RALYL: variants seen among roughly 807,000 people sequenced by gnomAD.
The protein encoded by RALYL is RALY RNA binding protein like.
In RALYL, 29 loss-of-function variants were observed where a neutral mutation model predicts 35.1. The ratio of observed to expected loss-of-function variants is 0.83; its 90% confidence interval spans 0.61 to 1.13. RALYL has a LOEUF of 1.13. Ranked by LOEUF, RALYL falls within the 50% of genes most tolerant of loss-of-function variation. The pLI is 0.00. For missense variants in RALYL, 359 were observed against 360.4 expected, an observed-to-expected ratio of 1.00 and a Z score of 0.03; for synonymous variants, 120 against 127.6, an observed-to-expected ratio of 0.94 and a Z score of 0.40.
intron 6 of RALYL, among the ~76,000 whole-genome samples, chr8:84,870,995 C>T (rs1840088886): frequency 6.6e-6 from 1 of 152,080 alleles, no homozygotes; most frequent in African/African-American, 2.4e-5. Context: ...TGAGCATTTG[C>T]TGCCCCCCCA....
chr8:84,654,748 CA>C (rs1159393922), intron 2 of RALYL, among the ~76,000 whole-genome samples: 2 of 152,008 alleles, frequency 1.3e-5, no homozygotes, highest in African/African-American at 4.8e-5. Context: ...TATGTTGTTG[CA>C]AAAACAGGAT....
chr8:84,844,068 C>T (rs1834037483), intron 4 of RALYL, among the ~76,000 whole-genome samples: 2 of 152,136 alleles, frequency 1.3e-5, no homozygotes, highest in African/African-American at 4.8e-5. Flanking sequence ...GCAAGGACTT[C>T]ATGTCTAAAA....
chr8:84,488,754 A>C (rs1587722405), intron 1 of RALYL, among the ~76,000 whole-genome samples: 1 of 152,050 alleles, frequency 6.6e-6, no homozygotes, highest in Non-Finnish European at 1.5e-5. Flanking sequence ...TTTCAAAGTA[A>C]TACTGGGCCC....
intron 8 of RALYL, 87 bp from the exon 9 acceptor site, chr8:84,920,807 A>G (rs1192332066): frequency 2.0e-6 from 1 of 496,510 alleles, no homozygotes; most frequent in African/African-American, 2.0e-5. Context: ...ATCTAACCTT[A>G]AAATCTAACT....
At chr8:84,367,020 C>T (rs561037610) in intron 1 of RALYL, among the ~76,000 whole-genome samples, 10 of 151,044 alleles carry the variant, frequency 6.6e-5, no homozygotes, top group East Asian at 1.9e-4. Context: ...CCGTGGTGTT[C>T]GGGGAAAAAA....
chr8:84,390,052 A>C (rs1462501441), intron 1 of RALYL, among the ~76,000 whole-genome samples: 1 of 152,112 alleles, frequency 6.6e-6, no homozygotes, highest in Non-Finnish European at 1.5e-5. Context: ...TTTTTGCATG[A>C]AGGGCTGTTG....
At chr8:84,660,049 A>G (rs1039447680) in intron 2 of RALYL, among the ~76,000 whole-genome samples, 2 of 152,200 alleles carry the variant, frequency 1.3e-5, no homozygotes, top group African/African-American at 4.8e-5. Context: ...TAGTAGAAGT[A>G]TCTATTCCAC....
chr8:84,691,089 T>C (rs1421556822), intron 2 of RALYL, among the ~76,000 whole-genome samples: 1 of 152,126 alleles, frequency 6.6e-6, no homozygotes, highest in African/African-American at 2.4e-5. Context: ...GTCAAAGCAC[T>C]GTTTGAAGAA....
chr8:84,917,310 G>A (rs1848637565), intron 8 of RALYL, among the ~76,000 whole-genome samples: 2 of 151,786 alleles, frequency 1.3e-5, no homozygotes, highest in African/African-American at 4.8e-5. Context: ...AGGAGGGGCA[G>A]GGAAATAAGG....
chr8:84,523,947 G>A (rs568049681), intron 1 of RALYL, among the ~76,000 whole-genome samples: 17 of 152,046 alleles, frequency 1.1e-4, no homozygotes, highest in African/African-American at 3.9e-4. Flanking sequence ...CTAAGTCTTT[G>A]CTATTGTGAA....
At chr8:84,675,879 A>T (rs769293190) in intron 2 of RALYL, among the ~76,000 whole-genome samples, 5 of 152,190 alleles carry the variant, frequency 3.3e-5, no homozygotes, top group East Asian at 1.9e-4. Context: ...TACTGCGTAG[A>T]TTTGTACAAA....
At chr8:84,325,561 C>T (rs1485198736) in intron 1 of RALYL, among the ~76,000 whole-genome samples, 1 of 152,162 alleles carries the variant, frequency 6.6e-6, no homozygotes, top group Admixed American at 6.5e-5. Context: ...ACTGCCTCTC[C>T]ACTTTTTTGA....
intron 4 of RALYL, among the ~76,000 whole-genome samples, chr8:84,841,145 A>G (rs918392030): frequency 2.0e-5 from 3 of 152,158 alleles, no homozygotes; most frequent in African/African-American, 7.2e-5. Context: ...AATGGGCTAA[A>G]TGCTCCAATT....
intron 2 of RALYL, among the ~76,000 whole-genome samples, chr8:84,579,824 G>A (rs960751116): frequency 6.6e-6 from 1 of 152,138 alleles, no homozygotes; most frequent in Non-Finnish European, 1.5e-5. Context: ...ATAATGGTCA[G>A]TCTAGTGCTG....
At chr8:84,428,106 TCACA>T (rs869249552) in intron 1 of RALYL, among the ~76,000 whole-genome samples, 1,568 of 127,272 alleles carry the variant, frequency 0.012, 18 homozygotes, top group Non-Finnish European at 0.018. Flanking sequence ...TCTCTCTCTC[TCACA>T]CACACACACA....
intron 2 of RALYL, among the ~76,000 whole-genome samples, chr8:84,542,045 A>G (rs1372262479): frequency 6.6e-6 from 1 of 151,972 alleles, no homozygotes; most frequent in Admixed American, 6.6e-5. Flanking sequence ...AATTGCGGTT[A>G]TATTTGAATT....
chr8:84,405,571 C>T (rs2043390725), intron 1 of RALYL, among the ~76,000 whole-genome samples: 1 of 152,150 alleles, frequency 6.6e-6, no homozygotes, highest in Admixed American at 6.5e-5. Context: ...TCAGAGAATA[C>T]TGTAAACACC....
intron 1 of RALYL, among the ~76,000 whole-genome samples, chr8:84,366,791 A>AAAT (rs1383974839): frequency 6.8e-6 from 1 of 146,312 alleles, no homozygotes; most frequent in Non-Finnish European, 1.5e-5. Context: ...AAAAAAAAAA[A>AAAT]GGGTATCCTG....
chr8:84,569,037 A>T, intron 2 of RALYL, among the ~76,000 whole-genome samples: 1 of 148,912 alleles, frequency 6.7e-6, no homozygotes, highest in African/African-American at 2.5e-5. Context: ...GCTGTGCAGA[A>T]GCTCTTTAGT....
Sources: allele counts gnomAD v4.1 joint callset (sites outside exome capture counted in the v4.1 genomes callset), GRCh38; gene constraint gnomAD v4.1.1; transcripts MANE v1.5; gene names NCBI Gene and HGNC (gene_info 2026-07-23, HGNC 2026-07-21).